GRIN2B: variants seen among roughly 807,000 people sequenced by gnomAD.
GRIN2B encodes glutamate ionotropic receptor NMDA type subunit 2B.
Under a neutral mutation model 114.5 loss-of-function variants are expected in GRIN2B, and 5 were observed. The observed-to-expected ratio is 0.04, with a 90% confidence interval of 0.02 to 0.09. The LOEUF is 0.09. GRIN2B is among the 10% of genes least tolerant of loss of function. The probability of loss-of-function intolerance (pLI) is 1.00; values close to 1 mark genes in which losing one functional copy is unlikely to be tolerated. For synonymous variants in GRIN2B, 787 were observed against 745.1 expected (o/e 1.06, Z -0.92); for missense variants, 1,108 against 1,943.5 (o/e 0.57, Z 8.08).
chr12:13,609,419 T>C (rs1393287320), intron 9 of GRIN2B, among the ~76,000 whole-genome samples: 1 of 152,176 alleles, frequency 6.6e-6, no homozygotes, highest in Non-Finnish European at 1.5e-5. Context: ...AAGACAACCC[T>C]GATCCTACTC....
At chr12:13,616,928 C>T (rs562335464) in intron 5 of GRIN2B, among the ~76,000 whole-genome samples, 3 of 152,344 alleles carry the variant, frequency 2.0e-5, no homozygotes, top group African/African-American at 7.2e-5. Flanking sequence ...TGTTAAGACC[C>T]ATGGCTCAAA....
intron 10 of GRIN2B, among the ~76,000 whole-genome samples, chr12:13,598,457 A>T (rs1328912125): frequency 6.6e-6 from 1 of 152,144 alleles, no homozygotes; most frequent in Non-Finnish European, 1.5e-5. Context: ...AGTTCTCACC[A>T]AGACCTGTCA....
At chr12:13,838,548 C>T (rs1036564895) in intron 3 of GRIN2B, among the ~76,000 whole-genome samples, 4 of 152,152 alleles carry the variant, frequency 2.6e-5, no homozygotes, top group Non-Finnish European at 2.9e-5. Context: ...AACCTTCTGG[C>T]CTCCACTTCC....
chr12:13,977,699 A>T (rs1451707025), intron 2 of GRIN2B, among the ~76,000 whole-genome samples: 1 of 152,118 alleles, frequency 6.6e-6, no homozygotes, highest in Non-Finnish European at 1.5e-5. Flanking sequence ...AAAGGCCCTG[A>T]GATGGCTCAG....
intron 3 of GRIN2B, among the ~76,000 whole-genome samples, chr12:13,809,128 T>G (rs986550368): frequency 2.0e-5 from 3 of 152,162 alleles, no homozygotes; most frequent in Non-Finnish European, 2.9e-5. Flanking sequence ...ACCCTATAGA[T>G]GCCAGTATCA....
At chr12:13,902,242 A>C (rs1866464267) in intron 2 of GRIN2B, among the ~76,000 whole-genome samples, 1 of 152,076 alleles carries the variant, frequency 6.6e-6, no homozygotes, top group Non-Finnish European at 1.5e-5. Context: ...TTTCAAGTTA[A>C]TTTTACAATC....
chr12:13,736,737 A>G (rs890254977), intron 4 of GRIN2B, among the ~76,000 whole-genome samples: 1 of 152,162 alleles, frequency 6.6e-6, no homozygotes, highest in Non-Finnish European at 1.5e-5. Flanking sequence ...AGAACATGCA[A>G]TATATGGCCG....
At chr12:13,896,167 C>T (rs1268330126) in intron 2 of GRIN2B, among the ~76,000 whole-genome samples, 1 of 152,056 alleles carries the variant, frequency 6.6e-6, no homozygotes, top group African/African-American at 2.4e-5. Context: ...AAGGCTCTAC[C>T]AACGAGGAGG....
intron 10 of GRIN2B, among the ~76,000 whole-genome samples, chr12:13,588,830 C>T (rs1488933917): frequency 2.0e-5 from 3 of 152,180 alleles, no homozygotes; most frequent in Non-Finnish European, 2.9e-5. Context: ...CCATAACTCA[C>T]AGCAGAAGGT....
At chr12:13,911,263 T>C (rs914052832) in intron 2 of GRIN2B, among the ~76,000 whole-genome samples, 2 of 151,950 alleles carry the variant, frequency 1.3e-5, no homozygotes, top group Non-Finnish European at 2.9e-5. Flanking sequence ...GAATAAGAAA[T>C]GAACGAATGA....
At chr12:13,907,798 A>G (rs1440207394) in intron 2 of GRIN2B, among the ~76,000 whole-genome samples, 1 of 152,134 alleles carries the variant, frequency 6.6e-6, no homozygotes, top group Non-Finnish European at 1.5e-5. Context: ...TTTTAAAAAA[A>G]AGTATATGAA....
intron 2 of GRIN2B, among the ~76,000 whole-genome samples, chr12:13,920,889 T>C (rs1866811263): frequency 1.3e-5 from 2 of 152,312 alleles, no homozygotes; most frequent in African/African-American, 2.4e-5. Context: ...ATACCCAAGG[T>C]GGCTTCTGTG....
At chr12:13,695,668 T>C (rs1200009850) in intron 4 of GRIN2B, among the ~76,000 whole-genome samples, 1 of 152,132 alleles carries the variant, frequency 6.6e-6, no homozygotes, top group Non-Finnish European at 1.5e-5. Context: ...TTGTGAAGCT[T>C]TTGAACAGGA....
At chr12:13,764,903 C>T (rs1863751812) in intron 3 of GRIN2B, among the ~76,000 whole-genome samples, 1 of 152,220 alleles carries the variant, frequency 6.6e-6, no homozygotes, top group Non-Finnish European at 1.5e-5. Context: ...TAATCAGATA[C>T]TAGTACTTAT....
chr12:13,598,917 C>T (rs771563916), intron 10 of GRIN2B, among the ~76,000 whole-genome samples: 50 of 152,198 alleles, frequency 3.3e-4, no homozygotes, highest in Admixed American at 2.9e-3. Context: ...AGTGAGGACC[C>T]GAGGTCTTGA....
chr12:13,864,804 C>T (rs1482078780), intron 3 of GRIN2B, among the ~76,000 whole-genome samples: 1 of 152,154 alleles, frequency 6.6e-6, no homozygotes, highest in Non-Finnish European at 1.5e-5. Flanking sequence ...CAGTGGTTGT[C>T]AATCTTAACT....
rs1337702781 is a variant in GRIN2B at position 13,543,689 on chromosome 12, GATGGCTAT to G, written c.*19086_*19093del. 2.0e-5 allele frequency: 3 copies of G among 151,902 alleles called. No individual in the cohort carries two copies. The highest frequency in any genetic ancestry group is 7.3e-5 in the African/African-American group (3 of 41,244). 9.4% of individuals were successfully genotyped at this position (151,902 alleles called of 1,614,324 possible). A position where few individuals can be genotyped will look rare whatever the true frequency, so the allele number is the denominator to read the frequency against. On this transcript the variant is annotated 3_prime_UTR_variant, in exon 14 of 14. Transcript: ENST00000609686. ...ATTTTTGTTCTCACTCTTCCTGCCG[GATGGCTAT>G]ATGACTCATTCATGCTTTCTTCCTT...
intron 3 of GRIN2B, among the ~76,000 whole-genome samples, chr12:13,842,917 CTTTTTTTTTTT>C (rs201344138): frequency 1.3e-4 from 13 of 103,214 alleles, no homozygotes; most frequent in South Asian, 3.0e-4. Context: ...ATTGGTTTTT[CTTTTTTTTTTT>C]TTTTTTTTTT....
intron 2 of GRIN2B, among the ~76,000 whole-genome samples, chr12:13,971,551 G>A (rs929793380): frequency 1.3e-5 from 2 of 152,122 alleles, no homozygotes; most frequent in Admixed American, 1.3e-4. Context: ...GGGCAACAGG[G>A]CTAGTGAATT....
Sources: allele counts gnomAD v4.1 joint callset (sites outside exome capture counted in the v4.1 genomes callset), GRCh38; gene constraint gnomAD v4.1.1; transcripts MANE v1.5; gene names NCBI Gene and HGNC (gene_info 2026-07-23, HGNC 2026-07-21).